The following LAMA1 variants were observed in gnomAD, a reference collection of about 807,000 sequenced individuals.
The protein encoded by LAMA1 is laminin subunit alpha 1, also known as laminin subunit alpha-1.
Under a neutral mutation model 348.7 loss-of-function variants are expected in LAMA1, and 219 were observed. The observed-to-expected ratio is 0.63, with a 90% confidence interval of 0.56 to 0.70. The LOEUF (loss-of-function observed/expected upper bound fraction) is 0.70, where lower values mean the gene tolerates loss of function less well. Ranked by LOEUF, LAMA1 falls within the 30% of genes least tolerant of loss-of-function variation. The pLI, the probability that LAMA1 is intolerant of heterozygous loss-of-function variation, is 0.00. For synonymous variants in LAMA1, 1,487 were observed against 1,491.0 expected, an observed-to-expected ratio of 1.00 and a Z score of 0.06; for missense variants, 3,744 against 3,888.0, an observed-to-expected ratio of 0.96 and a Z score of 0.99.
At chr18:7,028,008 A>G (rs1442535319) in intron 16 of LAMA1, among the ~76,000 whole-genome samples, 1 of 152,178 alleles carries the variant, frequency 6.6e-6, no homozygotes, top group African/African-American at 2.4e-5. Flanking sequence ...AAAACTGTGA[A>G]AAGAGAAATG....
chr18:7,075,623 C>CA lies in LAMA1; in HGVS notation c.345+4351dup, dbSNP rs1292524054. On this transcript the variant is annotated intron_variant, in intron 3 of 62. Transcript: ENST00000389658. The stretch of plus-strand genomic sequence containing the variant: ...GGGAAACAAGAGCGAAACTCCGTCT[C>CA]AAAAAAAAAATAACGGAAGAAAGAA... Among the ~76,000 whole-genome samples, 765 of 139,954 alleles carry CA rather than the reference C, an allele frequency of 5.5e-3. 4 individuals carry two copies. Among genetic ancestry groups the CA allele is most frequent in the African/African-American group, 0.018 (688 of 37,660 alleles). The allele number at this position is 139,954 out of a possible 152,430, so 91.8% of individuals were successfully genotyped here. A position where few individuals can be genotyped will look rare whatever the true frequency, so the allele number is the denominator to read the frequency against.
At chr18:7,105,098 C>G (rs981971868) in intron 1 of LAMA1, among the ~76,000 whole-genome samples, 1 of 152,076 alleles carries the variant, frequency 6.6e-6, no homozygotes, top group Non-Finnish European at 1.5e-5. Flanking sequence ...AGGAAAACTT[C>G]TGAAGGAGGC....
Position 7,049,378 on chromosome 18 carries a change from T to A in LAMA1, c.589-121A>T. The A allele has an allele frequency of 3.6e-6, 3 of 832,012 alleles. No homozygotes were observed. In the South Asian group the frequency reaches 4.4e-5, roughly 12 times the overall value. 51.5% of individuals were successfully genotyped at this position (832,012 alleles called of 1,614,324 possible). ...GCAGTGGCACAATCTTGGCTCACTG[T>A]AACCTCCACCTCCCAGGTTCAAGCA... On this transcript the variant is annotated intron_variant, in intron 4 of 62. Coordinates refer to ENST00000389658, the MANE Select transcript of LAMA1 (RefSeq NM_005559.4).
chr18:7,020,126 C>A (rs548466469), intron 19 of LAMA1, among the ~76,000 whole-genome samples: 1 of 152,068 alleles, frequency 6.6e-6, no homozygotes, highest in South Asian at 2.1e-4. Flanking sequence ...TAAAAATTAT[C>A]CTCATTTAAC....
intron 61 of LAMA1, among the ~76,000 whole-genome samples, chr18:6,944,119 G>A (rs1406808846): frequency 2.6e-5 from 4 of 152,094 alleles, no homozygotes; most frequent in African/African-American, 9.7e-5. Context: ...GGGTTCAAGT[G>A]ATTCTTTTGC....
chr18:7,089,617 C>G (rs903328886), intron 1 of LAMA1, among the ~76,000 whole-genome samples: 4 of 152,242 alleles, frequency 2.6e-5, no homozygotes, highest in African/African-American at 9.6e-5. Flanking sequence ...GCAGCTGCCT[C>G]CAGCCCCGGT....
chr18:6,999,067 C>T lies in LAMA1; in HGVS notation c.4663+378G>A, dbSNP rs927784161. ...GTTTTTTTTTTAAGTCCATGATAGT[C>T]ACGAGTGGAAGCTATCATGAAATTG... On this transcript the variant is annotated intron_variant, in intron 32 of 62. Coordinates refer to ENST00000389658, the MANE Select transcript of LAMA1 (RefSeq NM_005559.4). Among the ~76,000 whole-genome samples, 5 of 151,910 alleles carry T rather than the reference C, an allele frequency of 3.3e-5. 1 individual carries two copies. The highest frequency in any genetic ancestry group is 4.2e-4 in the South Asian group (2 of 4,808).
intron 3 of LAMA1, among the ~76,000 whole-genome samples, chr18:7,062,422 G>A (rs1456167257): frequency 1.3e-5 from 2 of 152,150 alleles, no homozygotes; most frequent in South Asian, 2.1e-4. Context: ...GAGAGCCGGC[G>A]GGCGCCTGGC....
chr18:7,011,230 T>C (rs911920134), intron 25 of LAMA1, 70 bp downstream of exon 25: 5 of 1,519,764 alleles, frequency 3.3e-6, no homozygotes, highest in Non-Finnish European at 4.5e-6. Flanking sequence ...GCCCAGACTA[T>C]GGTGATTTTA....
At chr18:7,107,175 G>A (rs145541736) in intron 1 of LAMA1, among the ~76,000 whole-genome samples, 1,880 of 146,012 alleles carry the variant, frequency 0.013, 37 homozygotes, top group African/African-American at 0.046. Context: ...CTGAAGTGCA[G>A]TGGCGTGATC....
At chr18:6,952,366 G>A (rs917903929) in intron 57 of LAMA1, among the ~76,000 whole-genome samples, 3 of 152,172 alleles carry the variant, frequency 2.0e-5, no homozygotes, top group African/African-American at 7.2e-5. Context: ...CTGACCGGAT[G>A]GTTAAACGAG....
chr18:7,117,588 G>T, intron 1 of LAMA1, 72 bp downstream of exon 1: 1 of 1,510,496 alleles, frequency 6.6e-7, no homozygotes, highest in Non-Finnish European at 9.0e-7. Context: ...CAACGCGACG[G>T]GCTTTGTCCG....
In LAMA1 at chr18:6,985,973, TG is replaced by T. The variant is rs1243030134; in HGVS notation, c.5379+163del. On this transcript the variant is annotated intron_variant, in intron 37 of 62. Transcript: ENST00000389658. ...CGGGGTTTCACCATGTTGGCCAGGA[TG>T]GTCTCGATCTCTTGACCTCATGATC... is the stretch of plus-strand genomic sequence containing the variant. Among the ~76,000 whole-genome samples, 7 of 152,294 alleles carry T rather than the reference TG, an allele frequency of 4.6e-5. No individual in the cohort carries two copies. In the South Asian group the frequency reaches 1.2e-3, roughly 27 times the overall value.
intron 1 of LAMA1, among the ~76,000 whole-genome samples, chr18:7,111,318 C>G (rs2058335038): frequency 6.6e-6 from 1 of 152,156 alleles, no homozygotes; most frequent in Non-Finnish European, 1.5e-5. Context: ...AAATGCTTAC[C>G]TAGGCAAGAA....
intron 27 of LAMA1, among the ~76,000 whole-genome samples, chr18:7,009,023 C>A (rs2057846352): frequency 6.6e-6 from 1 of 152,030 alleles, no homozygotes; most frequent in South Asian, 2.1e-4. Context: ...AACATTATGT[C>A]CTTATATTTT....
At chr18:7,038,445 C>G in intron 11 of LAMA1, 1 of 362,322 alleles carries the variant, frequency 2.8e-6, no homozygotes, top group South Asian at 2.3e-5. Flanking sequence ...CGTCTTTGAG[C>G]TGGAAAATCC....
rs558461418 is a variant in LAMA1 at position 6,955,907 on chromosome 18, T to C, written c.8095-442A>G. ...ACATGTTTTGCAGGGCCTCAGAGTG[T>C]GAACCTAGGTCCACACTGACAGGGC... is the stretch of plus-strand genomic sequence containing the variant. On this transcript the variant is annotated intron_variant, in intron 56 of 62. Coordinates refer to ENST00000389658, the MANE Select transcript of LAMA1 (RefSeq NM_005559.4). 1.8e-4 allele frequency: 61 copies of C among 341,400 alleles called. 1 individual carries two copies. Among genetic ancestry groups the C allele is most frequent in the Admixed American group, 8.2e-4 (21 of 25,740 alleles). 21.1% of individuals were successfully genotyped at this position (341,400 alleles called of 1,614,324 possible).
intron 3 of LAMA1, among the ~76,000 whole-genome samples, chr18:7,077,232 C>T (rs567650648): frequency 1.0e-4 from 14 of 137,530 alleles, no homozygotes; most frequent in East Asian, 2.1e-4. Flanking sequence ...GACGGAGTCT[C>T]GCTCTGTCGC....
At chr18:6,993,054 C>A (rs1336878082) in intron 35 of LAMA1, among the ~76,000 whole-genome samples, 1 of 152,202 alleles carries the variant, frequency 6.6e-6, no homozygotes, top group Non-Finnish European at 1.5e-5. Flanking sequence ...ATATTTACTG[C>A]ATAAATAAAC....
Sources: allele counts gnomAD v4.1 joint callset (sites outside exome capture counted in the v4.1 genomes callset), GRCh38; gene constraint gnomAD v4.1.1; transcripts MANE v1.5; gene names NCBI Gene and HGNC (gene_info 2026-07-23, HGNC 2026-07-21).